The following KCNMA1 variants were observed in gnomAD, a reference collection of about 807,000 sequenced individuals.
The protein encoded by KCNMA1 is potassium calcium-activated channel subfamily M alpha 1, also known as Calcium-activated potassium channel subunit alpha-1.
In KCNMA1, 29 loss-of-function variants were observed where a neutral mutation model predicts 140.0. That is an observed-to-expected ratio of 0.21 (90% CI 0.15 to 0.28). The LOEUF (loss-of-function observed/expected upper bound fraction) is 0.28. KCNMA1 is among the 10% of genes least tolerant of loss of function. The pLI is 1.00. For synonymous variants in KCNMA1, 612 were observed against 611.9 expected (o/e 1.00, Z 0.00); for missense variants, 880 against 1,602.2 (o/e 0.55, Z 7.70).
chr10:77,295,547 C>T (rs1439376607), intron 2 of KCNMA1, among the ~76,000 whole-genome samples: 7 of 150,458 alleles, frequency 4.7e-5, no homozygotes, highest in Admixed American at 1.3e-4. Context: ...TTTGGGAGGC[C>T]GAGGCGGGTG....
chr10:77,318,704 C>T (rs548340460), intron 2 of KCNMA1, among the ~76,000 whole-genome samples: 76 of 152,286 alleles, frequency 5.0e-4, no homozygotes, highest in African/African-American at 1.8e-3. Context: ...AATTAGTCTC[C>T]TATGCTGCTG....
intron 5 of KCNMA1, among the ~76,000 whole-genome samples, chr10:77,169,690 A>G (rs117128101): frequency 0.024 from 3,433 of 142,586 alleles, 54 homozygotes; most frequent in Admixed American, 0.038. Context: ...AAGTTTTTAC[A>G]AAAAGGAAGT....
At chr10:77,124,073 C>T (rs945344653) in intron 5 of KCNMA1, among the ~76,000 whole-genome samples, 8 of 152,212 alleles carry the variant, frequency 5.3e-5, no homozygotes, top group African/African-American at 1.7e-4. Flanking sequence ...TAACTGAAAC[C>T]TCAGGAAGCA....
At chr10:76,927,864 T>C (rs2058164324) in intron 23 of KCNMA1, among the ~76,000 whole-genome samples, 1 of 152,216 alleles carries the variant, frequency 6.6e-6, no homozygotes, top group Admixed American at 6.5e-5. Context: ...AGGAACTTTG[T>C]GAAATATTAA....
chr10:77,452,539 T>C (rs979689238), intron 1 of KCNMA1, among the ~76,000 whole-genome samples: 1 of 152,314 alleles, frequency 6.6e-6, no homozygotes. Context: ...ATACACTTTA[T>C]AAATGCGCAA....
At chr10:77,352,428 T>C (rs553619222) in intron 2 of KCNMA1, among the ~76,000 whole-genome samples, 13 of 152,338 alleles carry the variant, frequency 8.5e-5, no homozygotes, top group Non-Finnish European at 1.3e-4. Flanking sequence ...TTGTGATTGA[T>C]GGAAATGTTC....
intron 14 of KCNMA1, chr10:77,064,060 A>G (rs1477957176): frequency 2.0e-6 from 2 of 985,234 alleles, no homozygotes; most frequent in Non-Finnish European, 2.4e-6. Flanking sequence ...CTCTGTGTAT[A>G]TGTTATGTAA....
chr10:77,508,084 A>G (rs2046793367), intron 1 of KCNMA1, among the ~76,000 whole-genome samples: 2 of 152,258 alleles, frequency 1.3e-5, no homozygotes, highest in Non-Finnish European at 2.9e-5. Flanking sequence ...GAAGATATTT[A>G]TGTATGCATC....
chr10:77,400,777 T>C (rs1396849384), intron 2 of KCNMA1, among the ~76,000 whole-genome samples: 1 of 152,090 alleles, frequency 6.6e-6, no homozygotes, highest in Non-Finnish European at 1.5e-5. Context: ...TACGACATTG[T>C]CCTTCCCCTT....
intron 23 of KCNMA1, chr10:76,939,882 AAC>A (rs1266663747): frequency 6.6e-6 from 1 of 152,226 alleles, no homozygotes; most frequent in Non-Finnish European, 1.5e-5. Context: ...ACCACAGGGA[AAC>A]AGTCTGGCAA....
chr10:77,251,556 T>A (rs976522903), intron 2 of KCNMA1, among the ~76,000 whole-genome samples: 1 of 152,178 alleles, frequency 6.6e-6, no homozygotes, highest in Non-Finnish European at 1.5e-5. Context: ...TTGTAGTTGA[T>A]AAACTTCAGT....
intron 3 of KCNMA1, among the ~76,000 whole-genome samples, chr10:77,219,771 C>A (rs768035281): frequency 6.6e-6 from 1 of 152,156 alleles, no homozygotes; most frequent in Admixed American, 6.5e-5. Flanking sequence ...AGGCACCCAC[C>A]ACCACACCTG....
intron 9 of KCNMA1, among the ~76,000 whole-genome samples, chr10:77,094,562 T>C (rs2096884099): frequency 1.3e-5 from 2 of 152,140 alleles, no homozygotes; most frequent in South Asian, 4.1e-4. Flanking sequence ...ATCATGATAG[T>C]CTTAGCAAAG....
At chr10:77,080,534 C>T (rs906140330) in intron 12 of KCNMA1, among the ~76,000 whole-genome samples, 3 of 152,142 alleles carry the variant, frequency 2.0e-5, no homozygotes, top group Non-Finnish European at 4.4e-5. Context: ...GTATTCCCAC[C>T]ACCATATCTC....
intron 1 of KCNMA1, among the ~76,000 whole-genome samples, chr10:77,407,507 TTA>T (rs1353930070): frequency 3.3e-5 from 5 of 152,350 alleles, no homozygotes; most frequent in African/African-American, 1.2e-4. Context: ...TGCTTAAACC[TTA>T]TAATACATCC....
intron 2 of KCNMA1, among the ~76,000 whole-genome samples, chr10:77,327,896 T>G (rs978450262): frequency 2.0e-5 from 3 of 152,286 alleles, no homozygotes. Context: ...AAGTGGGGAT[T>G]TTTATGTCAA....
intron 3 of KCNMA1, among the ~76,000 whole-genome samples, chr10:77,237,597 A>G (rs548034628): frequency 1.3e-5 from 2 of 152,236 alleles, no homozygotes; most frequent in South Asian, 4.2e-4. Context: ...AGCTGAGACT[A>G]TAGGCACATA....
At chr10:76,946,525 G>A (rs1209494246) in intron 22 of KCNMA1, among the ~76,000 whole-genome samples, 1 of 152,120 alleles carries the variant, frequency 6.6e-6, no homozygotes, top group South Asian at 2.1e-4. Context: ...TCTATTCTCA[G>A]GCCCTAAAAT....
At chr10:76,978,234 T>C (rs1335855240) in intron 19 of KCNMA1, among the ~76,000 whole-genome samples, 1 of 152,206 alleles carries the variant, frequency 6.6e-6, no homozygotes, top group Non-Finnish European at 1.5e-5. Flanking sequence ...ATGCATTTCT[T>C]ATCAAAGGTA....
Sources: gnomAD v4.1 joint callset for allele counts (sites outside exome capture counted in the v4.1 genomes callset) on GRCh38, gnomAD v4.1.1 for gene constraint, MANE v1.5 for transcripts, NCBI Gene and HGNC (gene_info 2026-07-23, HGNC 2026-07-21) for gene names.